The following DIDO1 variants were observed in gnomAD, a reference collection of about 807,000 sequenced individuals.
The protein encoded by DIDO1 is death inducer-obliterator 1, also known as death-inducer obliterator 1.
In DIDO1, 16 loss-of-function variants were observed where a neutral mutation model predicts 99.4. The observed-to-expected ratio is 0.16, with a 90% confidence interval of 0.11 to 0.24. The LOEUF (loss-of-function observed/expected upper bound fraction) is 0.24. Ranked by LOEUF, DIDO1 falls within the 10% of genes least tolerant of loss-of-function variation. The probability of loss-of-function intolerance (pLI) is 1.00; values close to 1 mark genes in which losing one functional copy is unlikely to be tolerated. For missense variants in DIDO1, 2,996 were observed against 3,014.0 expected, an observed-to-expected ratio of 0.99 and a Z score of 0.14; for synonymous variants, 1,366 against 1,239.1, an observed-to-expected ratio of 1.10 and a Z score of -2.15.
Position 62,907,167 on chromosome 20 carries a change from G to GACC in DIDO1, c.1353_1354insGGT (p.Ser451_Leu452insGly). The GACC allele has an allele frequency of 6.2e-7, 1 of 1,614,254 alleles. No individual in the cohort carries two copies. Among genetic ancestry groups the GACC allele is most frequent in the Non-Finnish European group, 8.5e-7 (1 of 1,180,056 alleles). On this transcript the variant is annotated inframe_insertion, in exon 5 of 16. Coordinates refer to ENST00000395343, the MANE Select transcript of DIDO1 (RefSeq NM_001193369.2). The stretch of plus-strand genomic sequence containing the variant: ...CTCACCTGAGCACCGCATTTCGGAA[G>GACC]ACTGGGCTTCTCTGGCTTCATCTTC...
rs776827239 is a variant in DIDO1 at position 62,894,061 on chromosome 20, C to A, written c.2706G>T (p.Val902=). The stretch of plus-strand genomic sequence containing the variant: ...CAACTTCAGGCACAGCCTCCGGCAT[C>A]ACCTCATCAGCTGAATCCGGAGCTG... ...PDPAPDSADE[V]MPEAVPEVAS... The change falls in exon 12 of 16, where the codon GTG becomes GTT. Residue 902 remains valine, a synonymous_variant. Coordinates refer to ENST00000395343, the MANE Select transcript of DIDO1 (RefSeq NM_001193369.2). This position sits in a 1 kb window ranked among gnomAD's most constrained non-coding sequence, Gnocchi z 4.4. 1.9e-6 allele frequency: 3 copies of A among 1,614,256 alleles called. No individual in the cohort carries two copies. The highest frequency in any genetic ancestry group is 2.5e-6 in the Non-Finnish European group (3 of 1,180,056).
intron 6 of DIDO1, among the ~76,000 whole-genome samples, chr20:62,902,928 A>T (rs1031653042): frequency 4.6e-5 from 7 of 152,210 alleles, no homozygotes; most frequent in African/African-American, 4.8e-5. Context: ...CCTATCAAAT[A>T]CCATCTCAAA....
chr20:62,881,090 G>C lies in DIDO1; in HGVS notation c.4866C>G (p.Gly1622=). ...KEPASSPWAS[G]EKPPAGSEQD... is the part of the protein sequence containing the mutation. ...GCTCGGACCCCGCTGGGGGCTTTTC[G>C]CCCGAAGCCCAGGGGGAAGAGGCTG... The change falls in exon 16 of 16, where the codon GGC becomes GGG. Residue 1622 remains glycine (G), a synonymous_variant. Transcript: ENST00000395343. The surrounding 1 kb of genome is among the most constrained non-coding windows in gnomAD (Gnocchi z 8.3). 1 of 1,608,340 alleles carries C rather than the reference G, an allele frequency of 6.2e-7. No individual in the cohort carries two copies. The highest frequency in any genetic ancestry group is 8.5e-7 in the Non-Finnish European group (1 of 1,179,320).
rs1359457564 is a variant in DIDO1, at chr20:62,879,826, C to T, written c.6130G>A (p.Ala2044Thr). 6.2e-7 allele frequency: 1 copy of T among 1,608,828 alleles called. No individual in the cohort carries two copies. Among genetic ancestry groups the T allele is most frequent in the Admixed American group, 1.7e-5 (1 of 59,672 alleles). ...GAGGAGAGCGCGGAGGGCGGCCCGG[C>T]CTCCTCCCAGCGGTCCTTCCGGTGC... Reference protein sequence around the residue: ...PQHRKDRWEEAGPPSALSSSA... With the variant: ...PQHRKDRWEETGPPSALSSSA... The change falls in exon 16 of 16, where the codon GCC becomes ACC. Residue 2044 changes from alanine (A) to threonine (T), a missense_variant. Physicochemically the swap from Ala to Thr is moderately conservative, Grantham distance 58 (BLOSUM62 0). This residue lies in a region of DIDO1 where 1,562 missense variants were observed against 1,412.6 expected (regional missense o/e 1.11). Coordinates refer to ENST00000395343, the MANE Select transcript of DIDO1 (RefSeq NM_001193369.2). The surrounding 1 kb of genome is among the most constrained non-coding windows in gnomAD (Gnocchi z 6.3).
chr20:62,895,933 G>C (rs993343936), intron 8 of DIDO1, among the ~76,000 whole-genome samples: 2 of 152,230 alleles, frequency 1.3e-5, no homozygotes, highest in Non-Finnish European at 2.9e-5. Flanking sequence ...TTGGAGCCCA[G>C]TGAAGCGACT....
chr20:62,935,391 C>T (rs1376091541), intron 1 of DIDO1, among the ~76,000 whole-genome samples: 1 of 152,154 alleles, frequency 6.6e-6, no homozygotes, highest in Non-Finnish European at 1.5e-5. Flanking sequence ...TGAAGCTTAC[C>T]ATTTTATGCT....
chr20:62,921,295 G>A (rs1427449325), intron 1 of DIDO1, among the ~76,000 whole-genome samples: 1 of 152,196 alleles, frequency 6.6e-6, no homozygotes, highest in Non-Finnish European at 1.5e-5. Context: ...AGCTCTTTGG[G>A]GTCTTCCCTG....
chr20:62,889,790 G>C (rs2064361465), intron 15 of DIDO1: 1 of 985,308 alleles, frequency 1.0e-6, no homozygotes, highest in Non-Finnish European at 1.2e-6. Flanking sequence ...AAAGCACTTT[G>C]CTTTTAAAAA....
In DIDO1 at chr20:62,911,072, G is replaced by C; in HGVS notation, c.541C>G (p.Leu181Val). ...CGCAGGCGACTCTGGATCCCTTTCA[G>C]GGGCCTCTCAGTGGGCTCCTGTTCC... ...KREQEPTERPLKGIQSRLRKK... is the reference protein window; with the variant it reads ...KREQEPTERPVKGIQSRLRKK... The change falls in exon 3 of 16, where the codon CTG (leucine) becomes GTG (valine). Residue 181 changes from leucine to valine, a missense_variant. Transcript: ENST00000395343. This position sits in a 1 kb window ranked among gnomAD's most constrained non-coding sequence, Gnocchi z 7.0. 2 of 1,613,770 alleles carry C rather than the reference G, an allele frequency of 1.2e-6. No homozygotes were observed. The highest frequency in any genetic ancestry group is 1.1e-5 in the South Asian group (1 of 91,080).
At position 62,902,486 on chromosome 20, in the gene DIDO1, C is replaced by T. The variant is rs1004225488; in HGVS notation, c.1588+3401G>A. 4.6e-5 allele frequency among the ~76,000 whole-genome samples: 7 copies of T among 152,156 alleles called. No individual in the cohort carries two copies. The East Asian group carries it at 5.8e-4, about 13-fold the overall frequency. On this transcript the variant is annotated intron_variant, in intron 6 of 15. Coordinates refer to ENST00000395343, the MANE Select transcript of DIDO1 (RefSeq NM_001193369.2). The stretch of plus-strand genomic sequence containing the variant: ...AGGAGACAGATAAAAAAAGAGCTCA[C>T]GCGACCAGTGAAACAAGCCACCCTC...
Position 62,881,442 on chromosome 20 carries a change from G to T in DIDO1, c.4514C>A (p.Ala1505Asp). The change falls in exon 16 of 16, where the codon GCC becomes GAC. Residue 1505 changes from alanine (A) to aspartate (D), a missense_variant. This residue lies in a region of DIDO1 where 1,562 missense variants were observed against 1,412.6 expected (regional missense o/e 1.11). Transcript: ENST00000395343. The surrounding 1 kb of genome is among the most constrained non-coding windows in gnomAD (Gnocchi z 8.3). Reference sequence around the variant, plus strand: ...GTGGGCCATGGAGACCCCGACGGCGGCCCTCTGCTGCCTGAGAGCTTCTTC... The same window carrying T: ...GTGGGCCATGGAGACCCCGACGGCGTCCCTCTGCTGCCTGAGAGCTTCTTC... ...EQEEALRQQR[A>D]AVGVSMAHFS... 1 of 1,609,054 alleles carries T rather than the reference G, an allele frequency of 6.2e-7. No homozygotes were observed. Among genetic ancestry groups the T allele is most frequent in the Non-Finnish European group, 8.5e-7 (1 of 1,179,972 alleles).
intron 8 of DIDO1, 64 bp from the exon 9 acceptor site, chr20:62,895,229 C>T: frequency 1.4e-6 from 2 of 1,454,936 alleles, no homozygotes; most frequent in Non-Finnish European, 1.9e-6. Context: ...CAGAGAGCTT[C>T]TGGAAAACAC....
intron 4 of DIDO1, 47 bp downstream of exon 4, chr20:62,909,652 C>A: frequency 1.9e-6 from 3 of 1,596,382 alleles, no homozygotes; most frequent in Non-Finnish European, 2.6e-6. Context: ...AGACTGAAAC[C>A]AGTGAGGCCG....
At chr20:62,921,927 G>A (rs533006689) in intron 1 of DIDO1, among the ~76,000 whole-genome samples, 3 of 145,702 alleles carry the variant, frequency 2.1e-5, no homozygotes, top group East Asian at 2.0e-4. Context: ...CACTATATAT[G>A]TCCAAAATAT....
Position 62,879,154 on chromosome 20 carries a change from C to A in DIDO1, c.*79G>T, listed in dbSNP as rs1158514471. The A allele has an allele frequency of 3.1e-6, 4 of 1,273,286 alleles. No homozygotes were observed. Among genetic ancestry groups the A allele is most frequent in the Non-Finnish European group, 4.1e-6 (4 of 964,488 alleles). 78.9% of individuals were successfully genotyped at this position (1,273,286 alleles called of 1,614,324 possible). On this transcript the variant is annotated 3_prime_UTR_variant, in exon 16 of 16. Coordinates refer to ENST00000395343, the MANE Select transcript of DIDO1 (RefSeq NM_001193369.2). This position sits in a 1 kb window ranked among gnomAD's most constrained non-coding sequence, Gnocchi z 6.3. ...GAATATTCTATCCTGAATCTAAGAT[C>A]GTGGCTATTTCAAAAGCTATTTGTT...
Position 62,914,424 on chromosome 20 carries a change from A to T in DIDO1, c.-199-18T>A, listed in dbSNP as rs2065002059. ...GTAAGCTCCTAAAAGAAAATAAGAA[A>T]ATATTTTACATATCTTAAGTAAACT... On this transcript the variant is annotated intron_variant, in intron 1 of 15. Coordinates refer to ENST00000395343, the MANE Select transcript of DIDO1 (RefSeq NM_001193369.2). The T allele has an allele frequency of 6.6e-6, 1 of 152,250 alleles. No homozygotes were observed. Among genetic ancestry groups the T allele is most frequent in the Non-Finnish European group, 1.5e-5 (1 of 68,046 alleles). 9.4% of individuals were successfully genotyped at this position (152,250 alleles called of 1,614,324 possible).
intron 6 of DIDO1, among the ~76,000 whole-genome samples, chr20:62,898,016 T>C (rs561420698): frequency 6.6e-6 from 1 of 152,292 alleles, no homozygotes; most frequent in East Asian, 1.9e-4. Context: ...AGGCACCTCC[T>C]GAGGAAAGGC....
rs2064946672 is a variant in DIDO1 at position 62,911,700 on chromosome 20, C to T, written c.-2-86G>A. ...CGCCAAACACGCGCAGCAGGGGCCA[C>T]CTCCCTACAAACAGTGGAGCTCTAC... On this transcript the variant is annotated intron_variant, in intron 2 of 15. Coordinates refer to ENST00000395343, the MANE Select transcript of DIDO1 (RefSeq NM_001193369.2). The surrounding 1 kb of genome is among the most constrained non-coding windows in gnomAD (Gnocchi z 7.0). The T allele has an allele frequency of 2.4e-6, 3 of 1,235,800 alleles. No individual in the cohort carries two copies. The highest frequency in any genetic ancestry group is 1.6e-5 in the South Asian group (1 of 62,346). 76.6% of individuals were successfully genotyped at this position (1,235,800 alleles called of 1,614,324 possible).
In DIDO1 at chr20:62,896,112, G is replaced by A. The variant is rs995587684; in HGVS notation, c.2214+121C>T. On this transcript the variant is annotated intron_variant, in intron 8 of 15. Transcript: ENST00000395343. The surrounding 1 kb of genome is among the most constrained non-coding windows in gnomAD (Gnocchi z 4.4). ...ACGTGGGCGGCAGAAGGATCACAGAGGAGAAAGAAACGTCTTAGCTTTCCT... is the reference window on the plus strand; with the variant it reads ...ACGTGGGCGGCAGAAGGATCACAGAAGAGAAAGAAACGTCTTAGCTTTCCT... 1.5e-5 allele frequency: 17 copies of A among 1,100,512 alleles called. No homozygotes were observed. The highest frequency in any genetic ancestry group is 4.8e-5 in the Admixed American group (2 of 41,612). The allele number at this position is 1,100,512 out of a possible 1,614,324, so 68.2% of individuals were successfully genotyped here.
Sources: allele counts gnomAD v4.1 joint callset (sites outside exome capture counted in the v4.1 genomes callset), GRCh38; gene constraint gnomAD v4.1.1; regional missense constraint gnomAD v4.1.1; non-coding constraint Gnocchi (gnomAD v3.1); transcripts MANE v1.5; gene names NCBI Gene and HGNC (gene_info 2026-07-23, HGNC 2026-07-21).